The following CCDC28A variants were observed in gnomAD, a reference collection of about 807,000 sequenced individuals.
CCDC28A encodes coiled-coil domain containing 28A, also known as coiled-coil domain-containing protein 28A.
In CCDC28A, 24 loss-of-function variants were observed where a neutral mutation model predicts 22.1. The observed-to-expected ratio is 1.09, with a 90% CI of 0.79 to 1.53. The LOEUF (loss-of-function observed/expected upper bound fraction) is 1.53. CCDC28A is among the 40% of genes most tolerant of loss of function. CCDC28A has a pLI of 0.00. For missense variants in CCDC28A, 170 were observed against 210.7 expected (o/e 0.81, Z 1.20); for synonymous variants, 83 against 74.7 (o/e 1.11, Z -0.57).
Position 138,792,812 on chromosome 6 carries a change from G to T in CCDC28A, c.*9G>T. ...ATACTTCTGCTAGCTAAAATGAAAT[G>T]TAGTTTGCTTTCTTGTGATTTGAAG... is the stretch of plus-strand genomic sequence containing the variant. On this transcript the variant is annotated 3_prime_UTR_variant, in exon 6 of 6. Coordinates refer to ENST00000617445, the MANE Select transcript of CCDC28A (RefSeq NM_015439.3). The T allele has an allele frequency of 6.3e-7, 1 of 1,597,336 alleles. No individual in the cohort carries two copies.
chr6:138,785,425 G>T (rs780356967), intron 4 of CCDC28A, 44 bp downstream of exon 4: 1 of 1,487,022 alleles, frequency 6.7e-7, no homozygotes, highest in Admixed American at 2.0e-5. Flanking sequence ...AAAAATTTTT[G>T]TTGCGAAAAA....
intron 2 of CCDC28A, 122 bp from the exon 3 acceptor site, chr6:138,779,700 G>A (rs2114902639): frequency 1.6e-6 from 1 of 609,046 alleles, no homozygotes; most frequent in Non-Finnish European, 2.6e-6. Context: ...TTCTGGTTTT[G>A]TTTAGTATTG....
chr6:138,773,864 C>CG lies in CCDC28A; in HGVS notation c.-78dup, dbSNP rs1562436979. 1.2e-6 allele frequency: 2 copies of CG among 1,613,864 alleles called. No individual in the cohort carries two copies. The highest frequency in any genetic ancestry group is 2.2e-5 in the South Asian group (2 of 91,046). ...GGCTTCTGAGGCTGTCGGGTCTTTGCGGGTTGCGGAAGGGGGCCCCAATAC... is the reference window on the plus strand; with the variant it reads ...GGCTTCTGAGGCTGTCGGGTCTTTGCGGGGTTGCGGAAGGGGGCCCCAATAC... On this transcript the variant is annotated 5_prime_UTR_variant, in exon 1 of 6. Coordinates refer to ENST00000617445, the MANE Select transcript of CCDC28A (RefSeq NM_015439.3).
chr6:138,776,436 T>G (rs919331894), intron 2 of CCDC28A, among the ~76,000 whole-genome samples, 158 bp downstream of exon 2: 1 of 152,138 alleles, frequency 6.6e-6, no homozygotes, highest in Non-Finnish European at 1.5e-5. Flanking sequence ...AAAGTTACGG[T>G]GTATAGATAT....
intron 4 of CCDC28A, among the ~76,000 whole-genome samples, chr6:138,786,120 C>T (rs1406190831): frequency 6.6e-6 from 1 of 152,180 alleles, no homozygotes; most frequent in Non-Finnish European, 1.5e-5. Context: ...TGAGGCCTCT[C>T]AGTTTGTAGT....
At chr6:138,774,509 G>A (rs977369632) in intron 1 of CCDC28A, among the ~76,000 whole-genome samples, 2 of 152,156 alleles carry the variant, frequency 1.3e-5, no homozygotes, top group African/African-American at 4.8e-5. Flanking sequence ...AAAATTGTTA[G>A]CCAAGGTTTA....
At chr6:138,785,678 A>G (rs1241119042) in intron 4 of CCDC28A, among the ~76,000 whole-genome samples, 1 of 152,136 alleles carries the variant, frequency 6.6e-6, no homozygotes, top group African/African-American at 2.4e-5. Context: ...GGATTATTTT[A>G]CTTAATGTTC....
intron 5 of CCDC28A, among the ~76,000 whole-genome samples, chr6:138,789,198 G>A (rs1014729900): frequency 5.9e-5 from 9 of 152,014 alleles, no homozygotes; most frequent in Admixed American, 5.9e-4. Context: ...AACATAACAG[G>A]CACAATGGTA....
intron 4 of CCDC28A, among the ~76,000 whole-genome samples, chr6:138,786,325 A>G (rs527764168): frequency 5.4e-4 from 82 of 152,324 alleles, no homozygotes; most frequent in Middle Eastern, 3.4e-3. Flanking sequence ...TGGAGGGTAC[A>G]CTGTTTAGCA....
intron 5 of CCDC28A, among the ~76,000 whole-genome samples, 180 bp downstream of exon 5, chr6:138,788,568 CTTTTTTT>C (rs3070099): frequency 4.9e-4 from 46 of 92,986 alleles, no homozygotes; most frequent in African/African-American, 2.2e-3. Flanking sequence ...TTTTTCTTTT[CTTTTTTT>C]TTTTTTTTTT....
chr6:138,780,339 C>G (rs1329335001), intron 3 of CCDC28A, among the ~76,000 whole-genome samples: 1 of 152,162 alleles, frequency 6.6e-6, no homozygotes, highest in Non-Finnish European at 1.5e-5. Context: ...CCCTTACCCT[C>G]TTAAGCTTAA....
chr6:138,783,958 C>T (rs1378649378), intron 3 of CCDC28A, among the ~76,000 whole-genome samples: 1 of 148,728 alleles, frequency 6.7e-6, no homozygotes, highest in African/African-American at 2.5e-5. Context: ...TTCACTGCAG[C>T]CTCAACCTCC....
chr6:138,789,069 G>A (rs910229859), intron 5 of CCDC28A, among the ~76,000 whole-genome samples: 1 of 152,128 alleles, frequency 6.6e-6, no homozygotes, highest in African/African-American at 2.4e-5. Flanking sequence ...ACAATTAAAT[G>A]TACTTAGTGT....
chr6:138,787,479 A>G (rs780052271), intron 4 of CCDC28A, among the ~76,000 whole-genome samples: 1 of 152,182 alleles, frequency 6.6e-6, no homozygotes, highest in East Asian at 1.9e-4. Context: ...AGCAGCCCAA[A>G]CAGACTAAGA....
intron 4 of CCDC28A, among the ~76,000 whole-genome samples, chr6:138,787,898 G>A (rs921862064): frequency 2.1e-4 from 31 of 148,158 alleles, no homozygotes; most frequent in African/African-American, 7.5e-4. Context: ...GAATTTTTTA[G>A]CCTGAAATTT....
At chr6:138,781,989 A>C (rs1211240457) in intron 3 of CCDC28A, among the ~76,000 whole-genome samples, 1 of 152,226 alleles carries the variant, frequency 6.6e-6, no homozygotes, top group Non-Finnish European at 1.5e-5. Context: ...TATTTCACAA[A>C]AATACTTTAT....
intron 2 of CCDC28A, among the ~76,000 whole-genome samples, chr6:138,778,707 T>C (rs1774973131): frequency 6.6e-6 from 1 of 151,564 alleles, no homozygotes; most frequent in Non-Finnish European, 1.5e-5. Context: ...AGAGCATAGA[T>C]GAGGATAGGG....
intron 4 of CCDC28A, 29 bp downstream of exon 4, chr6:138,785,410 T>C (rs754306673): frequency 5.2e-6 from 8 of 1,542,576 alleles, no homozygotes; most frequent in Non-Finnish European, 6.2e-6. Context: ...CTTTGTTCTT[T>C]AAAAAAAAAT....
At chr6:138,791,502 G>A (rs1411223303) in intron 5 of CCDC28A, among the ~76,000 whole-genome samples, 1 of 151,986 alleles carries the variant, frequency 6.6e-6, no homozygotes, top group Non-Finnish European at 1.5e-5. Flanking sequence ...TTTAAACCAT[G>A]TCAACTATTT....
Sources: gnomAD v4.1 joint callset for allele counts (sites outside exome capture counted in the v4.1 genomes callset) on GRCh38, gnomAD v4.1.1 for gene constraint, MANE v1.5 for transcripts, NCBI Gene and HGNC (gene_info 2026-07-23, HGNC 2026-07-21) for gene names.